Variants in PCDH15 observed in about 807,000 individuals in gnomAD.
PCDH15 encodes protocadherin related 15.
A neutral mutation model predicts 178.5 loss-of-function variants in PCDH15; 129 were observed. The observed-to-expected ratio is 0.72, with a 90% CI of 0.63 to 0.84. PCDH15 has a LOEUF of 0.84. Among genes scored for constraint, PCDH15 ranks in the 40% least tolerant of loss-of-function variants. The probability of loss-of-function intolerance (pLI) is 0.00; values close to 1 mark genes in which losing one functional copy is unlikely to be tolerated. For synonymous variants in PCDH15, 800 were observed against 732.0 expected (o/e 1.09, Z -1.50); for missense variants, 2,230 against 2,099.9 (o/e 1.06, Z -1.21).
intron 10 of PCDH15, among the ~76,000 whole-genome samples, chr10:54,200,844 T>C (rs1229897717): frequency 6.6e-6 from 1 of 152,124 alleles, no homozygotes; most frequent in African/African-American, 2.4e-5. Context: ...TTATACTCAC[T>C]CCCTTGCTCA....
chr10:55,231,294 A>C (rs2132198307), intron 1 of PCDH15, among the ~76,000 whole-genome samples: 1 of 152,110 alleles, frequency 6.6e-6, no homozygotes, highest in South Asian at 2.1e-4. Context: ...TTGTTGAAGG[A>C]GAATAAAACC....
intron 1 of PCDH15, among the ~76,000 whole-genome samples, chr10:55,280,989 G>A (rs1317537347): frequency 6.6e-6 from 1 of 152,182 alleles, no homozygotes; most frequent in East Asian, 1.9e-4. Flanking sequence ...ATAATAGGCT[G>A]TAGCCAGATG....
chr10:54,613,030 A>C (rs1373370697), intron 2 of PCDH15, among the ~76,000 whole-genome samples: 1 of 151,810 alleles, frequency 6.6e-6, no homozygotes, highest in Non-Finnish European at 1.5e-5. Flanking sequence ...GTAGATGACA[A>C]TATTTGGGAA....
intron 1 of PCDH15, among the ~76,000 whole-genome samples, chr10:55,188,055 C>T (rs995860868): frequency 6.6e-6 from 1 of 151,840 alleles, no homozygotes; most frequent in Admixed American, 6.6e-5. Context: ...TGAAAATTTA[C>T]AGGACTTGGG....
chr10:54,005,976 A>G (rs1223668146), intron 20 of PCDH15, among the ~76,000 whole-genome samples: 1 of 152,180 alleles, frequency 6.6e-6, no homozygotes, highest in Non-Finnish European at 1.5e-5. Context: ...CTATTTAACC[A>G]TAAAGAAGAA....
chr10:55,553,459 C>A (rs1418997441), intron 2 of PCDH15, among the ~76,000 whole-genome samples: 10 of 151,616 alleles, frequency 6.6e-5, no homozygotes, highest in Admixed American at 6.6e-4. Flanking sequence ...GTTTTTTATT[C>A]TTTAAACAAA....
At chr10:55,269,074 T>C (rs1252841180) in intron 1 of PCDH15, among the ~76,000 whole-genome samples, 5 of 152,026 alleles carry the variant, frequency 3.3e-5, no homozygotes, top group South Asian at 4.1e-4. Flanking sequence ...GCTTTCAACA[T>C]AATCCAACAT....
intron 2 of PCDH15, among the ~76,000 whole-genome samples, chr10:55,070,817 G>A (rs959399613): frequency 2.0e-5 from 3 of 152,094 alleles, no homozygotes; most frequent in Non-Finnish European, 2.9e-5. Flanking sequence ...TGTGAAGAAA[G>A]TCATTGGTAG....
At chr10:55,376,530 T>C (rs1299127660) in intron 2 of PCDH15, among the ~76,000 whole-genome samples, 5 of 152,144 alleles carry the variant, frequency 3.3e-5, no homozygotes, top group Admixed American at 2.6e-4. Context: ...ATCTGAATCA[T>C]GTTCTGCTTT....
chr10:54,074,029 CT>C (rs2094295531), intron 17 of PCDH15, among the ~76,000 whole-genome samples: 1 of 152,150 alleles, frequency 6.6e-6, no homozygotes, highest in Non-Finnish European at 1.5e-5. Context: ...TGGCATTCAT[CT>C]TTATACTTTG....
intron 1 of PCDH15, among the ~76,000 whole-genome samples, chr10:55,270,450 A>C (rs888914812): frequency 3.3e-5 from 5 of 152,050 alleles, no homozygotes; most frequent in South Asian, 2.1e-4. Context: ...GAAAAAAAAA[A>C]CCAAATAACT....
chr10:54,868,424 T>C (rs76016493), intron 3 of PCDH15, among the ~76,000 whole-genome samples: 22,705 of 152,126 alleles, frequency 0.15, 1,762 homozygotes, highest in Middle Eastern at 0.22. Flanking sequence ...ATTCCTTGAA[T>C]GGCTTCCTTC....
intron 2 of PCDH15, among the ~76,000 whole-genome samples, chr10:55,051,949 T>C (rs1841172519): frequency 6.6e-6 from 1 of 152,188 alleles, no homozygotes; most frequent in Non-Finnish European, 1.5e-5. Context: ...GCTTCAGAGA[T>C]GTATATATAC....
intron 18 of PCDH15, among the ~76,000 whole-genome samples, chr10:54,038,048 G>A (rs2093458975): frequency 6.6e-6 from 1 of 151,854 alleles, no homozygotes; most frequent in African/African-American, 2.4e-5. Context: ...TGTTCACATA[G>A]AAGGAATAAG....
chr10:54,796,207 CTCTG>C (rs1324958848), intron 1 of PCDH15, among the ~76,000 whole-genome samples: 3 of 148,562 alleles, frequency 2.0e-5, no homozygotes. Context: ...AGGCTCTCTT[CTCTG>C]TCTTTCTACA....
In PCDH15 at chr10:55,211,767, T is replaced by G. The variant is rs1457191409; in HGVS notation, c.-155-45116A>C. ...TTGACTTAAAGTGAACAAAGAAAGT[T>G]ACTATAATGAGTTAACCCATAAGGA... On this transcript the variant is annotated intron_variant, in intron 1 of 5. Transcript: ENST00000458638. 2.0e-5 allele frequency among the ~76,000 whole-genome samples: 3 copies of G among 152,106 alleles called. No homozygotes were observed. In the East Asian group the frequency reaches 5.8e-4, roughly 29 times the overall value.
chr10:53,906,486 AT>A (rs1400235897), intron 25 of PCDH15, among the ~76,000 whole-genome samples: 1 of 152,076 alleles, frequency 6.6e-6, no homozygotes. Flanking sequence ...TTTGTAGGTA[AT>A]TTTTCCGCTC....
chr10:55,357,569 G>T (rs1339855171), intron 2 of PCDH15, among the ~76,000 whole-genome samples: 3 of 151,894 alleles, frequency 2.0e-5, no homozygotes, highest in Admixed American at 6.6e-5. Context: ...CCTTCCTTTA[G>T]AGATTTTTGG....
chr10:55,271,020 GC>G (rs1394596349), intron 1 of PCDH15, among the ~76,000 whole-genome samples: 2 of 152,004 alleles, frequency 1.3e-5, no homozygotes, highest in African/African-American at 4.8e-5. Context: ...ATAATCCTAA[GC>G]AAATTAACAC....
Sources: allele counts gnomAD v4.1 joint callset (sites outside exome capture counted in the v4.1 genomes callset), GRCh38; gene constraint gnomAD v4.1.1; transcripts MANE v1.5; gene names NCBI Gene and HGNC (gene_info 2026-07-23, HGNC 2026-07-21).